PALLD: variants seen among roughly 807,000 people sequenced by gnomAD.
The protein encoded by PALLD is palladin.
PALLD carries 61 observed loss-of-function variants against 123.5 expected under a neutral mutation model. That is an observed-to-expected ratio of 0.49 (90% CI 0.40 to 0.61). PALLD has a LOEUF of 0.61. PALLD is among the 20% of genes least tolerant of loss of function. PALLD has a pLI of 0.00. For missense variants in PALLD, 1,273 were observed against 1,377.0 expected (o/e 0.92, Z 1.20); for synonymous variants, 465 against 496.4 (o/e 0.94, Z 0.84).
intron 10 of PALLD, among the ~76,000 whole-genome samples, chr4:168,715,923 C>A (rs1785320679): frequency 6.6e-6 from 1 of 151,916 alleles, no homozygotes; most frequent in African/African-American, 2.4e-5. Flanking sequence ...GCCCTCCACC[C>A]TGGGTGACAG....
rs578106195 is a variant in PALLD at position 168,504,566 on chromosome 4, C to A, written c.-82-6857C>A. 4.8e-4 allele frequency among the ~76,000 whole-genome samples: 71 copies of A among 148,648 alleles called. 2 individuals are homozygous for A. In the South Asian group the frequency reaches 0.013, roughly 28 times the overall value. On this transcript the variant is annotated intron_variant, in intron 1 of 21. Coordinates refer to ENST00000505667, the MANE Select transcript of PALLD (RefSeq NM_001166108.2). ...CTGAGATCATGCCACTGCACTCCAG[C>A]CTGGGCGACAAAGCAAGACTCCAAC...
At chr4:168,916,648 A>G (rs1399486039) in intron 17 of PALLD, among the ~76,000 whole-genome samples, 1 of 149,908 alleles carries the variant, frequency 6.7e-6, no homozygotes, top group African/African-American at 2.5e-5. Flanking sequence ...GTATCCATAT[A>G]TCTACTCTGA....
chr4:168,854,545 G>A (rs1748294355), intron 10 of PALLD, among the ~76,000 whole-genome samples: 1 of 152,188 alleles, frequency 6.6e-6, no homozygotes, highest in African/African-American at 2.4e-5. Context: ...GAAGAGAACA[G>A]CCGTGCAGCT....
intron 16 of PALLD, among the ~76,000 whole-genome samples, chr4:168,914,598 C>CAATGGTAG (rs1759720730): frequency 6.6e-6 from 1 of 151,938 alleles, no homozygotes; most frequent in African/African-American, 2.4e-5. Flanking sequence ...ACTGATGGAA[C>CAATGGTAG]AATGGTAGGC....
At chr4:168,820,638 T>G (rs567331329) in intron 10 of PALLD, among the ~76,000 whole-genome samples, 1 of 152,222 alleles carries the variant, frequency 6.6e-6, no homozygotes, top group South Asian at 2.1e-4. Flanking sequence ...GAACTTGCAT[T>G]ACTTCAGTAG....
At chr4:168,531,180 G>C (rs1231010004) in intron 2 of PALLD, among the ~76,000 whole-genome samples, 4 of 152,192 alleles carry the variant, frequency 2.6e-5, no homozygotes, top group Admixed American at 2.0e-4. Flanking sequence ...GTGGGACCAT[G>C]TGGTGATTTT....
chr4:168,501,381 T>C (rs1175780510), intron 1 of PALLD, among the ~76,000 whole-genome samples: 1 of 151,876 alleles, frequency 6.6e-6, no homozygotes, highest in Non-Finnish European at 1.5e-5. Context: ...ACCATCGCAC[T>C]ACTACAGCAG....
In PALLD at chr4:168,511,528, G is replaced by T; in HGVS notation, c.24G>T (p.Glu8Asp). 1.2e-6 allele frequency: 2 copies of T among 1,613,982 alleles called. No individual in the cohort carries two copies. Among genetic ancestry groups the T allele is most frequent in the Non-Finnish European group, 1.7e-6 (2 of 1,179,892 alleles). The change falls in exon 2 of 22, where the codon GAG becomes GAT. Residue 8 changes from glutamate to aspartate, a missense_variant. This residue lies in a region of PALLD where 944 missense variants were observed against 954.5 expected (regional missense o/e 0.99). Transcript: ENST00000505667. ...ATATGTCAGGGACCTCCTCCCATGA[G>T]TCCTTCTATGACTCCCTCTCAGACA... MSGTSSHESFYDSLSDMQ... is the reference protein window; with the variant it reads MSGTSSHDSFYDSLSDMQ...
intron 21 of PALLD, 91 bp from the exon 22 acceptor site, chr4:168,926,122 C>CA (rs1245266390): frequency 9.2e-7 from 1 of 1,086,530 alleles, no homozygotes. Flanking sequence ...TGCCTTGCAT[C>CA]TATCTAGACA....
intron 17 of PALLD, among the ~76,000 whole-genome samples, chr4:168,919,714 A>G (rs1049655642): frequency 6.6e-6 from 1 of 152,164 alleles, no homozygotes. Flanking sequence ...GACACTGATT[A>G]TCCTTAACTG....
intron 10 of PALLD, among the ~76,000 whole-genome samples, chr4:168,853,604 CAG>C (rs748154431): frequency 5.9e-4 from 90 of 151,876 alleles, no homozygotes; most frequent in Non-Finnish European, 9.7e-4. Flanking sequence ...AAATGGGAGA[CAG>C]AGACAGGTGT....
chr4:168,612,250 T>C, intron 2 of PALLD, among the ~76,000 whole-genome samples: 1 of 109,520 alleles, frequency 9.1e-6, no homozygotes, highest in South Asian at 3.1e-4. Flanking sequence ...GAAATCTAGG[T>C]TTACAAAAAA....
chr4:168,715,750 A>G (rs142214595), intron 10 of PALLD, among the ~76,000 whole-genome samples: 1,897 of 152,274 alleles, frequency 0.012, 34 homozygotes, highest in African/African-American at 0.044. Context: ...GGAGATCGAG[A>G]CCATCCTGGC....
At chr4:168,826,276 C>T (rs1423078650) in intron 10 of PALLD, among the ~76,000 whole-genome samples, 1 of 152,102 alleles carries the variant, frequency 6.6e-6, no homozygotes, top group Non-Finnish European at 1.5e-5. Flanking sequence ...CCTGACTATG[C>T]GCAATAAAAC....
chr4:168,615,048 T>C (rs1774090290), intron 2 of PALLD, among the ~76,000 whole-genome samples: 1 of 152,134 alleles, frequency 6.6e-6, no homozygotes, highest in South Asian at 2.1e-4. Flanking sequence ...TAGGGTTACA[T>C]GATTAAAGAA....
chr4:168,523,488 A>T (rs959742925), intron 2 of PALLD, among the ~76,000 whole-genome samples: 5 of 152,156 alleles, frequency 3.3e-5, no homozygotes, highest in Admixed American at 3.3e-4. Flanking sequence ...GAGAAAGAAA[A>T]TGTTTCAGTT....
intron 2 of PALLD, among the ~76,000 whole-genome samples, chr4:168,563,001 G>C (rs561148618): frequency 6.6e-6 from 1 of 152,130 alleles, no homozygotes; most frequent in Non-Finnish European, 1.5e-5. Context: ...TTGGATTTGC[G>C]GTATATTTTT....
At chr4:168,832,080 T>A (rs1744303305) in intron 10 of PALLD, 2 of 981,772 alleles carry the variant, frequency 2.0e-6, no homozygotes, top group African/African-American at 1.7e-5. Context: ...GCCCGATACC[T>A]GCCCCGCGCC....
intron 10 of PALLD, among the ~76,000 whole-genome samples, chr4:168,766,819 G>A (rs937972730): frequency 3.3e-5 from 5 of 152,118 alleles, no homozygotes; most frequent in African/African-American, 7.2e-5. Context: ...GTTTTTCTAC[G>A]TCTAGCCAAA....
Sources: gnomAD v4.1 joint callset for allele counts (sites outside exome capture counted in the v4.1 genomes callset) on GRCh38, gnomAD v4.1.1 for gene constraint, gnomAD v4.1.1 regional missense constraint, MANE v1.5 for transcripts, NCBI Gene and HGNC (gene_info 2026-07-23, HGNC 2026-07-21) for gene names.